Variants in EPHA3 observed in about 807,000 individuals in gnomAD.
EPHA3 encodes the protein ephrin type-A receptor 3.
EPHA3 carries 42 observed loss-of-function variants against 107.1 expected under a neutral mutation model. The ratio of observed to expected loss-of-function variants is 0.39; its 90% CI spans 0.31 to 0.51. The LOEUF is 0.51. EPHA3 is among the 20% of genes least tolerant of loss of function. EPHA3 has a pLI of 0.78. For missense variants in EPHA3, 1,183 were observed against 1,211.2 expected, an observed-to-expected ratio of 0.98 and a Z score of 0.35; for synonymous variants, 461 against 424.8, an observed-to-expected ratio of 1.09 and a Z score of -1.05.
At chr3:89,289,580 C>T (rs1706164427) in intron 3 of EPHA3, among the ~76,000 whole-genome samples, 1 of 151,918 alleles carries the variant, frequency 6.6e-6, no homozygotes, top group African/African-American at 2.4e-5. Flanking sequence ...TTATATATAT[C>T]CTGTCTGTAC....
intron 3 of EPHA3, among the ~76,000 whole-genome samples, chr3:89,218,932 G>A (rs1475513155): frequency 6.6e-6 from 1 of 152,132 alleles, no homozygotes; most frequent in African/African-American, 2.4e-5. Context: ...CGATTCCTCA[G>A]GGATCTAGAA....
In EPHA3 at chr3:89,400,934, A is replaced by G. The variant is rs189189845; in HGVS notation, c.1594+1454A>G. Among the ~76,000 whole-genome samples, 892 of 152,316 alleles carry G rather than the reference A, an allele frequency of 5.9e-3. 12 individuals carry two copies. Among genetic ancestry groups the G allele is most frequent in the African/African-American group, 0.02 (852 of 41,580 alleles). ...ATAGATTACCCAGGAAAGGTCTGAC[A>G]ATGCTCAACACTCTGCTGAATGGAA... On this transcript the variant is annotated intron_variant, in intron 7 of 16. Coordinates refer to ENST00000336596, the MANE Select transcript of EPHA3 (RefSeq NM_005233.6).
At chr3:89,266,192 G>A (rs1450373172) in intron 3 of EPHA3, among the ~76,000 whole-genome samples, 2 of 152,074 alleles carry the variant, frequency 1.3e-5, no homozygotes, top group African/African-American at 4.8e-5. Flanking sequence ...TATGAAGTGG[G>A]CATTTGTATT....
chr3:89,403,951 G>A (rs932308484), intron 7 of EPHA3, among the ~76,000 whole-genome samples: 15 of 152,234 alleles, frequency 9.9e-5, no homozygotes, highest in African/African-American at 3.1e-4. Flanking sequence ...CAAATAGTCC[G>A]TAATTTGAAC....
chr3:89,133,002 A>G (rs1267928522), intron 2 of EPHA3, among the ~76,000 whole-genome samples: 1 of 152,248 alleles, frequency 6.6e-6, no homozygotes, highest in Non-Finnish European at 1.5e-5. Flanking sequence ...TGAGCAACTG[A>G]AATATTTCTA....
rs1327828806 is a variant in EPHA3 at position 89,297,193 on chromosome 3, CT to C, written c.815-43719del. 4.6e-5 allele frequency among the ~76,000 whole-genome samples: 7 copies of C among 152,242 alleles called. 1 individual carries two copies. Among genetic ancestry groups the C allele is most frequent in the African/African-American group, 1.7e-4 (7 of 41,556 alleles). ...TACCTTCAATTTCCTTCAAGAACTC[CT>C]TTTCATTCACAACTTGGCTGTTTGT... On this transcript the variant is annotated intron_variant, in intron 3 of 16. Coordinates refer to ENST00000336596, the MANE Select transcript of EPHA3 (RefSeq NM_005233.6).
intron 2 of EPHA3, among the ~76,000 whole-genome samples, chr3:89,150,714 A>G (rs189326628): frequency 6.6e-6 from 1 of 152,214 alleles, no homozygotes; most frequent in Admixed American, 6.5e-5. Context: ...TTAATTCCTT[A>G]CGTCATATAT....
intron 3 of EPHA3, among the ~76,000 whole-genome samples, chr3:89,239,434 T>G (rs1439360607): frequency 6.6e-6 from 1 of 151,804 alleles, no homozygotes; most frequent in Non-Finnish European, 1.5e-5. Flanking sequence ...ATAATGACAA[T>G]AATAATAATA....
intron 13 of EPHA3, among the ~76,000 whole-genome samples, chr3:89,436,961 G>A (rs1446942798): frequency 2.0e-5 from 3 of 152,092 alleles, no homozygotes; most frequent in Non-Finnish European, 4.4e-5. Flanking sequence ...TTACTGCTGT[G>A]TTACGCAGAA....
At position 89,442,632 on chromosome 3, in the gene EPHA3, C is replaced by A. The variant is rs75258709; in HGVS notation, c.2347-6593C>A. On this transcript the variant is annotated intron_variant, in intron 13 of 16. Coordinates refer to ENST00000336596, the MANE Select transcript of EPHA3 (RefSeq NM_005233.6). ...GGTCAACAGTGCCCTTCTAGAGAAA[C>A]CTTGCCTACAAGGTTCCCATCATGT... Among the ~76,000 whole-genome samples the A allele has an allele frequency of 7.2e-5, 11 of 152,266 alleles. No individual in the cohort carries two copies. The East Asian group carries it at 1.7e-3, about 24-fold the overall frequency.
At chr3:89,259,047 A>G (rs1453108717) in intron 3 of EPHA3, among the ~76,000 whole-genome samples, 2 of 152,208 alleles carry the variant, frequency 1.3e-5, no homozygotes, top group East Asian at 3.8e-4. Context: ...ATATATGGTT[A>G]CATATATATT....
intron 5 of EPHA3, among the ~76,000 whole-genome samples, chr3:89,393,617 T>C (rs1362596538): frequency 1.3e-5 from 2 of 152,230 alleles, no homozygotes; most frequent in South Asian, 2.1e-4. Context: ...GAAACCAACA[T>C]TAAATGTGAC....
At chr3:89,308,473 A>T (rs1225324219) in intron 3 of EPHA3, among the ~76,000 whole-genome samples, 1 of 152,114 alleles carries the variant, frequency 6.6e-6, no homozygotes, top group Non-Finnish European at 1.5e-5. Context: ...CAAGAAGAAC[A>T]TCAGGAACCC....
intron 5 of EPHA3, among the ~76,000 whole-genome samples, chr3:89,392,199 G>A (rs1262426726): frequency 1.3e-5 from 2 of 152,092 alleles, no homozygotes; most frequent in African/African-American, 2.4e-5. Flanking sequence ...CAGAATTTAG[G>A]GAGGCTGAGG....
At position 89,429,118 on chromosome 3, in the gene EPHA3, T is replaced by C. The variant is rs1225397244; in HGVS notation, c.2087T>C (p.Met696Thr). 1 of 1,609,930 alleles carries C rather than the reference T, an allele frequency of 6.2e-7. No individual in the cohort carries two copies. The highest frequency in any genetic ancestry group is 2.2e-5 in the East Asian group (1 of 44,722). ...EGVVTKSKPV[M>T]IVTEYMENGS... Reference sequence around the variant, plus strand: ...ACTGTATATCTAGGTAAGCCAGTTATGATTGTCACAGAATACATGGAGAAT... The same window carrying C: ...ACTGTATATCTAGGTAAGCCAGTTACGATTGTCACAGAATACATGGAGAAT... The change falls in exon 12 of 17, where the codon ATG becomes ACG. Residue 696 changes from methionine (M) to threonine (T), a missense_variant. By Grantham distance (81) the Met-to-Thr change is moderately conservative. Transcript: ENST00000336596.
intron 15 of EPHA3, among the ~76,000 whole-genome samples, chr3:89,459,846 G>T (rs899996698): frequency 2.6e-5 from 4 of 152,090 alleles, no homozygotes; most frequent in African/African-American, 9.7e-5. Context: ...TTTAAAGATT[G>T]TTCTTGATAG....
intron 5 of EPHA3, among the ~76,000 whole-genome samples, chr3:89,391,699 CTGGGAT>C (rs1199391674): frequency 6.6e-6 from 1 of 151,940 alleles, no homozygotes; most frequent in Non-Finnish European, 1.5e-5. Context: ...TCCCAAAGTG[CTGGGAT>C]TACAGGCGTG....
Position 89,210,429 on chromosome 3 carries a change from G to A in EPHA3, c.723G>A (p.Arg241=), listed in dbSNP as rs1234441705. 2 of 1,613,494 alleles carry A rather than the reference G, an allele frequency of 1.2e-6. No individual in the cohort carries two copies. The highest frequency in any genetic ancestry group is 1.1e-5 in the South Asian group (1 of 91,004). ...VNNSKEEDPP[R]MYCSTEGEWL... ...ATTCTAAGGAGGAAGATCCTCCAAG[G>A]ATGTACTGCAGTACAGAAGGCGAAT... Residue 241 remains arginine, a synonymous_variant, in exon 3 of 17, where the codon AGG becomes AGA. Transcript: ENST00000336596.
At chr3:89,426,998 T>C (rs576245791) in intron 11 of EPHA3, among the ~76,000 whole-genome samples, 1 of 151,970 alleles carries the variant, frequency 6.6e-6, no homozygotes, top group South Asian at 2.1e-4. Flanking sequence ...AATCTTCCCT[T>C]TCTTTTTGAA....
Sources: gnomAD v4.1 joint callset for allele counts (sites outside exome capture counted in the v4.1 genomes callset) on GRCh38, gnomAD v4.1.1 for gene constraint, MANE v1.5 for transcripts, NCBI Gene and HGNC (gene_info 2026-07-23, HGNC 2026-07-21) for gene names.